The following ZMIZ1 variants were observed in gnomAD, a reference collection of about 807,000 sequenced individuals.
ZMIZ1 encodes the protein zinc finger MIZ-type containing 1, also known as zinc finger MIZ domain-containing protein 1.
A neutral mutation model predicts 113.9 loss-of-function variants in ZMIZ1; 17 were observed. The observed-to-expected ratio is 0.15, with a 90% CI of 0.10 to 0.22. The LOEUF is 0.22. Among genes scored for constraint, ZMIZ1 ranks in the 10% least tolerant of loss-of-function variants. The probability of loss-of-function intolerance (pLI) is 1.00; values close to 1 mark genes in which losing one functional copy is unlikely to be tolerated. For synonymous variants in ZMIZ1, 607 were observed against 603.1 expected, an observed-to-expected ratio of 1.01 and a Z score of -0.09; for missense variants, 1,059 against 1,477.8, an observed-to-expected ratio of 0.72 and a Z score of 4.65.
chr10:79,268,709 T>C (rs991680299), intron 7 of ZMIZ1, among the ~76,000 whole-genome samples: 1 of 152,212 alleles, frequency 6.6e-6, no homozygotes, highest in Non-Finnish European at 1.5e-5. Context: ...GATTCGTGTC[T>C]GCATCCATCA....
At chr10:79,244,113 T>C (rs1850048590) in intron 7 of ZMIZ1, among the ~76,000 whole-genome samples, 1 of 152,250 alleles carries the variant, frequency 6.6e-6, no homozygotes, top group Admixed American at 6.5e-5. Context: ...AGGCAGCGCC[T>C]GAGGGTCCTC....
chr10:79,243,050 TC>T (rs1187448822), intron 7 of ZMIZ1, among the ~76,000 whole-genome samples: 1 of 150,408 alleles, frequency 6.6e-6, no homozygotes, highest in Non-Finnish European at 1.5e-5. Flanking sequence ...GAGCCGGGGC[TC>T]CCTGGAGACG....
chr10:79,312,238 A>T (rs1227803992), intron 24 of ZMIZ1, among the ~76,000 whole-genome samples: 1 of 152,030 alleles, frequency 6.6e-6, no homozygotes, highest in Non-Finnish European at 1.5e-5. Flanking sequence ...TGCAGGAACC[A>T]CTCGCCTTCC....
chr10:79,179,878 C>T (rs1397479141), intron 4 of ZMIZ1, among the ~76,000 whole-genome samples: 2 of 152,172 alleles, frequency 1.3e-5, no homozygotes, highest in Non-Finnish European at 2.9e-5. Context: ...GCAGGCACTC[C>T]AGGCAGGCAG....
At chr10:79,145,787 GCCTTGACCTC>G (rs1390987943) in intron 3 of ZMIZ1, among the ~76,000 whole-genome samples, 1 of 152,194 alleles carries the variant, frequency 6.6e-6, no homozygotes, top group Non-Finnish European at 1.5e-5. Flanking sequence ...GCTCACTGCA[GCCTTGACCTC>G]CCAGGCTCAA....
intron 18 of ZMIZ1, among the ~76,000 whole-genome samples, chr10:79,303,794 A>G (rs1461146055): frequency 6.6e-6 from 1 of 152,224 alleles, no homozygotes; most frequent in Non-Finnish European, 1.5e-5. Flanking sequence ...CTCGTCTGGC[A>G]CACACACACC....
intron 7 of ZMIZ1, among the ~76,000 whole-genome samples, chr10:79,238,044 C>T (rs1201065233): frequency 1.3e-5 from 2 of 152,242 alleles, no homozygotes; most frequent in Non-Finnish European, 2.9e-5. Flanking sequence ...CAGCCCCAAG[C>T]CCTACCGGCT....
intron 5 of ZMIZ1, among the ~76,000 whole-genome samples, chr10:79,205,754 C>A (rs527608833): frequency 1.4e-4 from 22 of 152,264 alleles, no homozygotes; most frequent in African/African-American, 5.3e-4. Flanking sequence ...GCACTTCAGT[C>A]ACCTCTTGGT....
At chr10:79,245,978 G>A (rs1019628845) in intron 7 of ZMIZ1, among the ~76,000 whole-genome samples, 1 of 152,212 alleles carries the variant, frequency 6.6e-6, no homozygotes, top group Non-Finnish European at 1.5e-5. Context: ...TAAGACAGAG[G>A]TGCAGTGAGG....
chr10:79,089,261 C>T (rs1221083021), intron 1 of ZMIZ1, among the ~76,000 whole-genome samples: 1 of 152,228 alleles, frequency 6.6e-6, no homozygotes, highest in African/African-American at 2.4e-5. Context: ...GATCCTTCTC[C>T]CCACCCAGAT....
chr10:79,216,711 G>A (rs1053753716), intron 7 of ZMIZ1, among the ~76,000 whole-genome samples: 4 of 152,228 alleles, frequency 2.6e-5, no homozygotes, highest in African/African-American at 9.6e-5. Context: ...TTAAGCCTAG[G>A]CCTGTACTTC....
intron 3 of ZMIZ1, among the ~76,000 whole-genome samples, chr10:79,144,479 A>C (rs181614335): frequency 6.6e-5 from 10 of 152,294 alleles, no homozygotes; most frequent in African/African-American, 2.4e-4. Context: ...CAAGGACAGC[A>C]CTGGCACCAG....
chr10:79,209,871 A>G (rs1489771281), intron 6 of ZMIZ1, among the ~76,000 whole-genome samples: 2 of 152,218 alleles, frequency 1.3e-5, no homozygotes, highest in Non-Finnish European at 1.5e-5. Context: ...GCCTGTCTTC[A>G]GAGGGGATGC....
intron 7 of ZMIZ1, among the ~76,000 whole-genome samples, chr10:79,265,849 G>A (rs1275803051): frequency 3.3e-5 from 5 of 152,192 alleles, no homozygotes; most frequent in South Asian, 2.1e-4. Context: ...AGCATCGGCT[G>A]TTTGACCTCA....
intron 6 of ZMIZ1, among the ~76,000 whole-genome samples, chr10:79,213,189 TG>T (rs1056317219): frequency 1.3e-5 from 2 of 152,176 alleles, no homozygotes; most frequent in Non-Finnish European, 2.9e-5. Context: ...TCATGACCAC[TG>T]GGGTGAGAAT....
chr10:79,153,578 G>A lies in ZMIZ1; in HGVS notation c.-130-8475G>A, dbSNP rs369630348. 5.9e-5 allele frequency among the ~76,000 whole-genome samples: 9 copies of A among 152,364 alleles called. 1 individual carries two copies. Among genetic ancestry groups the A allele is most frequent in the Admixed American group, 6.5e-5 (1 of 15,310 alleles). On this transcript the variant is annotated intron_variant, in intron 3 of 24. Coordinates refer to ENST00000334512, the MANE Select transcript of ZMIZ1 (RefSeq NM_020338.4). The stretch of plus-strand genomic sequence containing the variant: ...GCAGACCACCACTGGCTGTCCTTGC[G>A]GGAGAGACCTGATGTTCCTGTAAAT...
chr10:79,116,958 G>C lies in ZMIZ1; in HGVS notation c.-336-1957G>C, dbSNP rs1481564149. 1.3e-5 allele frequency among the ~76,000 whole-genome samples: 2 copies of C among 152,256 alleles called. 1 individual carries two copies. The highest frequency in any genetic ancestry group is 4.1e-4 in the South Asian group (2 of 4,836). ...ATTTATGAAACCTCACAATTCTGTGGTTTGGCTGGACTTCTCCTCCTGATT... is the reference window on the plus strand; with the variant it reads ...ATTTATGAAACCTCACAATTCTGTGCTTTGGCTGGACTTCTCCTCCTGATT... On this transcript the variant is annotated intron_variant, in intron 1 of 24. Coordinates refer to ENST00000334512, the MANE Select transcript of ZMIZ1 (RefSeq NM_020338.4).
In ZMIZ1 at chr10:79,199,485, G is replaced by A. The variant is rs564731297; in HGVS notation, c.-49-2099G>A. ...TGCGCCACTGCACTCCAGCCTGGGC[G>A]ACAAAGTGAAACTCCATCTCAAAAA... On this transcript the variant is annotated intron_variant, in intron 4 of 24. Coordinates refer to ENST00000334512, the MANE Select transcript of ZMIZ1 (RefSeq NM_020338.4). Among the ~76,000 whole-genome samples, 153 of 151,786 alleles carry A rather than the reference G, an allele frequency of 1.0e-3. 1 individual carries two copies. Among genetic ancestry groups the A allele is most frequent in the African/African-American group, 3.5e-3 (146 of 41,278 alleles).
chr10:79,130,584 C>T (rs952801427), intron 2 of ZMIZ1, among the ~76,000 whole-genome samples: 8 of 152,238 alleles, frequency 5.3e-5, no homozygotes, highest in Admixed American at 3.3e-4. Context: ...CCCCAGCACA[C>T]ATGCAGACCA....
Sources: allele counts gnomAD v4.1 joint callset (sites outside exome capture counted in the v4.1 genomes callset), GRCh38; gene constraint gnomAD v4.1.1; transcripts MANE v1.5; gene names NCBI Gene and HGNC (gene_info 2026-07-23, HGNC 2026-07-21).